The following TDP1 variants were observed in gnomAD, a reference collection of about 807,000 sequenced individuals.
The protein encoded by TDP1 is tyrosyl-DNA phosphodiesterase 1.
In TDP1, 64 loss-of-function variants were observed where a neutral mutation model predicts 81.5. That is an observed-to-expected ratio of 0.79 (90% CI 0.64 to 0.97). TDP1 has a LOEUF of 0.97. Among genes scored for constraint, TDP1 ranks in the 50% least tolerant of loss-of-function variants. The pLI, the probability that TDP1 is intolerant of heterozygous loss-of-function variation, is 0.00. For synonymous variants in TDP1, 256 were observed against 264.3 expected, an observed-to-expected ratio of 0.97 and a Z score of 0.30; for missense variants, 723 against 743.8, an observed-to-expected ratio of 0.97 and a Z score of 0.33.
At chr14:90,000,627 C>T (rs1056254863) in intron 14 of TDP1, among the ~76,000 whole-genome samples, 9 of 152,138 alleles carry the variant, frequency 5.9e-5, no homozygotes, top group Admixed American at 1.3e-4. Context: ...TCAGATGATC[C>T]GCCCACCTCG....
intron 14 of TDP1, among the ~76,000 whole-genome samples, chr14:90,010,176 G>T (rs1884535200): frequency 6.6e-6 from 1 of 152,200 alleles, no homozygotes; most frequent in Non-Finnish European, 1.5e-5. Context: ...TTTTGGGATG[G>T]ATGAAAAGGT....
chr14:89,983,771 T>G (rs1253657501), intron 8 of TDP1, among the ~76,000 whole-genome samples: 1 of 152,234 alleles, frequency 6.6e-6, no homozygotes, highest in African/African-American at 2.4e-5. Flanking sequence ...TATGATTGTT[T>G]TCTATTTATG....
chr14:90,009,448 G>C (rs935635971), intron 14 of TDP1, among the ~76,000 whole-genome samples: 1 of 152,184 alleles, frequency 6.6e-6, no homozygotes, highest in African/African-American at 2.4e-5. Context: ...GGCACTGATG[G>C]TAGAAGTCTC....
At chr14:89,970,539 A>T (rs927630195) in intron 5 of TDP1, among the ~76,000 whole-genome samples, 4 of 151,922 alleles carry the variant, frequency 2.6e-5, no homozygotes, top group Non-Finnish European at 5.9e-5. Flanking sequence ...TCTTTAATTT[A>T]TTTGGACTTA....
At position 89,967,545 on chromosome 14, in the gene TDP1, A is replaced by C. The variant is rs1028896559; in HGVS notation, c.659+123A>C. ...TTTTTCTTTTGAAACTGTTGAAATC[A>C]CACAGACATTAAGTTATATCCGGAA... On this transcript the variant is annotated intron_variant, in intron 5 of 16. Transcript: ENST00000335725. 11 of 811,776 alleles carry C rather than the reference A, an allele frequency of 1.4e-5. No individual in the cohort carries two copies. The African/African-American group carries it at 1.7e-4, about 12-fold the overall frequency. The allele number at this position is 811,776 out of a possible 1,614,324, so 50.3% of individuals were successfully genotyped here. A position where few individuals can be genotyped will look rare whatever the true frequency, so the allele number is the denominator to read the frequency against.
chr14:90,035,391 G>A (rs981545828), intron 16 of TDP1, among the ~76,000 whole-genome samples: 2 of 151,298 alleles, frequency 1.3e-5, no homozygotes, highest in South Asian at 2.1e-4. Flanking sequence ...TGCATATTTC[G>A]TTTTCGGTAG....
chr14:89,988,699 C>G (rs1895840752), intron 10 of TDP1: 3 of 980,696 alleles, frequency 3.1e-6, no homozygotes, highest in Non-Finnish European at 3.6e-6. Flanking sequence ...TTCTGTCCAT[C>G]TACTCCATTA....
intron 14 of TDP1, among the ~76,000 whole-genome samples, chr14:90,005,937 A>G (rs1294557764): frequency 6.6e-6 from 1 of 152,160 alleles, no homozygotes; most frequent in African/African-American, 2.4e-5. Flanking sequence ...TGATGTGATG[A>G]CTTCTAAAGT....
intron 14 of TDP1, among the ~76,000 whole-genome samples, chr14:90,012,713 G>A (rs568646431): frequency 6.6e-6 from 1 of 152,050 alleles, no homozygotes; most frequent in Non-Finnish European, 1.5e-5. Flanking sequence ...GCACTGCCTA[G>A]TGGAGCTGTG....
chr14:90,025,446 C>CT (rs1265423108), intron 15 of TDP1, among the ~76,000 whole-genome samples: 2 of 152,022 alleles, frequency 1.3e-5, no homozygotes, highest in African/African-American at 2.4e-5. Flanking sequence ...TGAGAGAAAC[C>CT]TAACTTGTAA....
chr14:90,004,974 A>G lies in TDP1; in HGVS notation c.1541+11491A>G, dbSNP rs142724111. Among the ~76,000 whole-genome samples the G allele has an allele frequency of 2.1e-3, 321 of 152,328 alleles. 2 individuals carry two copies. Among genetic ancestry groups the G allele is most frequent in the African/African-American group, 7.3e-3 (304 of 41,584 alleles). On this transcript the variant is annotated intron_variant, in intron 14 of 16. Coordinates refer to ENST00000335725, the MANE Select transcript of TDP1 (RefSeq NM_018319.4). ...CAATGCTTCAGGCTCCAAAAAGACA[A>G]GAATCATTCCCAGGACACTGTGTAC...
At chr14:90,011,402 A>C (rs1046035946) in intron 14 of TDP1, among the ~76,000 whole-genome samples, 1 of 152,206 alleles carries the variant, frequency 6.6e-6, no homozygotes, top group African/African-American at 2.4e-5. Flanking sequence ...AGAAGACAGG[A>C]AAATGTGGGA....
intron 3 of TDP1, chr14:89,965,755 T>C: frequency 6.1e-6 from 6 of 984,854 alleles, no homozygotes; most frequent in Non-Finnish European, 7.2e-6. Flanking sequence ...ATAAAATCTT[T>C]CTAGAAAGTT....
At chr14:89,992,120 G>A in intron 13 of TDP1, 137 bp downstream of exon 13, 1 of 717,774 alleles carries the variant, frequency 1.4e-6, no homozygotes, top group Non-Finnish European at 2.2e-6. Context: ...GTTAGTGATA[G>A]AAATAATTTA....
chr14:90,001,330 A>G (rs1194481881), intron 14 of TDP1, among the ~76,000 whole-genome samples: 1 of 152,170 alleles, frequency 6.6e-6, no homozygotes, highest in East Asian at 1.9e-4. Flanking sequence ...GACTGAAAAC[A>G]TTTTTCATAG....
intron 14 of TDP1, among the ~76,000 whole-genome samples, chr14:89,996,957 G>A (rs1200333704): frequency 1.3e-5 from 2 of 152,216 alleles, no homozygotes; most frequent in South Asian, 2.1e-4. Flanking sequence ...TGTATTGCCC[G>A]CTGTGGCAAG....
In TDP1 at chr14:90,033,168, C is replaced by G. The variant is rs545620572; in HGVS notation, c.1707C>G (p.Thr569=). ...CTGGCAGCCAGGAGCCAATGGCCAC[C>G]TTTCCTGTGCCATATGATTTGCCTC... The part of the protein sequence containing the change: ...FFAGSQEPMA[T]FPVPYDLPPE... Residue 569 remains threonine (T), a synonymous_variant, in exon 16 of 17, where the codon ACC becomes ACG. Coordinates refer to ENST00000335725, the MANE Select transcript of TDP1 (RefSeq NM_018319.4). 21 of 1,613,428 alleles carry G rather than the reference C, an allele frequency of 1.3e-5. No individual in the cohort carries two copies. Among genetic ancestry groups the G allele is most frequent in the South Asian group, 9.9e-5 (9 of 91,048 alleles).
At chr14:90,017,055 G>A (rs184798912) in intron 14 of TDP1, among the ~76,000 whole-genome samples, 3 of 152,296 alleles carry the variant, frequency 2.0e-5, no homozygotes, top group Admixed American at 1.3e-4. Context: ...TGGTGAAAAC[G>A]AGTTTTCAAC....
At chr14:89,967,200 A>G in intron 4 of TDP1, 167 bp from the exon 5 acceptor site, 1 of 869,120 alleles carries the variant, frequency 1.2e-6, no homozygotes, top group Middle Eastern at 5.8e-4. Context: ...TTTAAGATAA[A>G]TTATAGGTTT....
Sources: gnomAD v4.1 joint callset for allele counts (sites outside exome capture counted in the v4.1 genomes callset) on GRCh38, gnomAD v4.1.1 for gene constraint, MANE v1.5 for transcripts, NCBI Gene and HGNC (gene_info 2026-07-23, HGNC 2026-07-21) for gene names.